Variants in DOCK8 observed in about 807,000 individuals in gnomAD.
DOCK8 encodes the protein dedicator of cytokinesis 8.
Under a neutral mutation model 245.6 loss-of-function variants are expected in DOCK8, and 141 were observed. The ratio of observed to expected loss-of-function variants is 0.57; its 90% confidence interval spans 0.50 to 0.66. The LOEUF (loss-of-function observed/expected upper bound fraction) is 0.66, where lower values mean the gene tolerates loss of function less well. Ranked by LOEUF, DOCK8 falls within the 30% of genes least tolerant of loss-of-function variation. The pLI is 0.00. For synonymous variants in DOCK8, 1,168 were observed against 970.2 expected (o/e 1.20, Z -3.79); for missense variants, 2,965 against 2,603.4 (o/e 1.14, Z -3.02).
At chr9:444,969 A>G (rs2057206443) in intron 43 of DOCK8, among the ~76,000 whole-genome samples, 1 of 152,248 alleles carries the variant, frequency 6.6e-6, no homozygotes, top group Non-Finnish European at 1.5e-5. Context: ...TGAAAGGTCC[A>G]AACTCCCAGT....
At chr9:272,608 A>G (rs2129957017) in intron 2 of DOCK8, among the ~76,000 whole-genome samples, 1 of 152,130 alleles carries the variant, frequency 6.6e-6, no homozygotes, top group Non-Finnish European at 1.5e-5. Context: ...GCTGGTCTTG[A>G]ACTCCTGGGC....
intron 4 of DOCK8, among the ~76,000 whole-genome samples, chr9:292,313 G>T (rs1033092885): frequency 6.8e-6 from 1 of 147,340 alleles, no homozygotes; most frequent in Non-Finnish European, 1.5e-5. Flanking sequence ...AGCTAAACTG[G>T]GAGGCAGAGG....
intron 34 of DOCK8, among the ~76,000 whole-genome samples, chr9:427,229 C>T (rs1213989839): frequency 6.6e-6 from 1 of 152,248 alleles, no homozygotes; most frequent in South Asian, 2.1e-4. Flanking sequence ...CCAGCTGACC[C>T]TCTTGGTTAA....
chr9:407,708 C>G lies in DOCK8; in HGVS notation c.3530+639C>G, dbSNP rs1296590457. 2.0e-5 allele frequency among the ~76,000 whole-genome samples: 3 copies of G among 152,190 alleles called. No individual in the cohort carries two copies. The South Asian group carries it at 6.2e-4, about 31-fold the overall frequency. On this transcript the variant is annotated intron_variant, in intron 28 of 47. Transcript: ENST00000432829. ...ATGGAGTCAGAAACCCACAGCCTAT[C>G]TGATTGGACTGAAAAAGATAATGCC...
chr9:355,148 C>T (rs1028090906), intron 14 of DOCK8, among the ~76,000 whole-genome samples: 96 of 150,076 alleles, frequency 6.4e-4, no homozygotes, highest in African/African-American at 2.2e-3. Context: ...CAACGTGCCT[C>T]ATGAAAAGTG....
At chr9:400,063 TTCA>T (rs1399597542) in intron 26 of DOCK8, among the ~76,000 whole-genome samples, 2 of 49,426 alleles carry the variant, frequency 4.0e-5, no homozygotes, top group African/African-American at 3.6e-4. Context: ...CACCACCTCC[TTCA>T]CCATCACCAT....
In DOCK8 at chr9:214,935, C is replaced by G; in HGVS notation, c.-42C>G. 6.2e-7 allele frequency: 1 copy of G among 1,604,704 alleles called. No individual in the cohort carries two copies. The highest frequency in any genetic ancestry group is 8.5e-7 in the Non-Finnish European group (1 of 1,177,320). ...TGCGGCGCGCCAGGCCCCCGCTTTC[C>G]GCACCCCGCGACCCTAGAAGCCACC... On this transcript the variant is annotated 5_prime_UTR_variant, in exon 1 of 48. Transcript: ENST00000432829.
intron 4 of DOCK8, among the ~76,000 whole-genome samples, chr9:296,215 C>A (rs186607581): frequency 2.0e-5 from 3 of 152,276 alleles, no homozygotes; most frequent in Non-Finnish European, 2.9e-5. Flanking sequence ...AACCTTTTAT[C>A]TGCATATTTT....
chr9:432,401 T>A, intron 37 of DOCK8, 77 bp downstream of exon 37: 1 of 1,283,574 alleles, frequency 7.8e-7, no homozygotes, highest in Admixed American at 1.9e-5. Context: ...TATGTACATA[T>A]ATACACAATT....
intron 28 of DOCK8, 113 bp from the exon 29 acceptor site, chr9:414,669 T>A (rs1564034156): frequency 1.5e-6 from 2 of 1,355,224 alleles, no homozygotes. Flanking sequence ...TATTGCTTGG[T>A]TTTCACAGTC....
At chr9:228,294 A>G (rs1222420804) in intron 1 of DOCK8, among the ~76,000 whole-genome samples, 3 of 152,200 alleles carry the variant, frequency 2.0e-5, no homozygotes, top group Non-Finnish European at 4.4e-5. Context: ...GTTATTCAAG[A>G]GACCCTGTGC....
intron 5 of DOCK8, among the ~76,000 whole-genome samples, chr9:306,780 G>C (rs1296734371): frequency 6.6e-6 from 1 of 152,148 alleles, no homozygotes; most frequent in East Asian, 1.9e-4. Context: ...CTGGTCCCAG[G>C]ACCACAATTT....
intron 4 of DOCK8, among the ~76,000 whole-genome samples, chr9:291,196 G>C (rs2049023343): frequency 6.6e-6 from 1 of 152,188 alleles, no homozygotes; most frequent in South Asian, 2.1e-4. Flanking sequence ...TTGGTTTTCA[G>C]ATTTATTTTC....
intron 1 of DOCK8, among the ~76,000 whole-genome samples, chr9:231,388 C>G (rs2047113277): frequency 6.6e-6 from 1 of 152,070 alleles, no homozygotes; most frequent in Non-Finnish European, 1.5e-5. Flanking sequence ...GATGCAGGCT[C>G]TTTTTTGGTT....
chr9:252,542 C>A (rs1349530664), intron 1 of DOCK8, among the ~76,000 whole-genome samples: 1 of 151,862 alleles, frequency 6.6e-6, no homozygotes, highest in East Asian at 1.9e-4. Context: ...GTGGCTCACC[C>A]CTGTAATCCC....
intron 1 of DOCK8, among the ~76,000 whole-genome samples, chr9:264,650 G>C (rs1478095362): frequency 6.6e-6 from 1 of 152,196 alleles, no homozygotes; most frequent in Non-Finnish European, 1.5e-5. Flanking sequence ...TATGGATAGA[G>C]ATCTATAGAT....
chr9:379,626 G>C, intron 20 of DOCK8, 145 bp from the exon 21 acceptor site: 1 of 833,164 alleles, frequency 1.2e-6, no homozygotes, highest in Non-Finnish European at 2.0e-6. Context: ...CAGCATGCCA[G>C]AGCTCACCAA....
At chr9:454,759 A>G (rs914186341) in intron 46 of DOCK8, among the ~76,000 whole-genome samples, 1 of 152,244 alleles carries the variant, frequency 6.6e-6, no homozygotes, top group East Asian at 1.9e-4. Flanking sequence ...CTTGCAATCC[A>G]GTATCTCACG....
At chr9:375,000 C>T (rs186974902) in intron 18 of DOCK8, among the ~76,000 whole-genome samples, 1 of 152,258 alleles carries the variant, frequency 6.6e-6, no homozygotes, top group East Asian at 1.9e-4. Flanking sequence ...AGATTGGTGA[C>T]ATGCTGGGAT....
Sources: allele counts gnomAD v4.1 joint callset (sites outside exome capture counted in the v4.1 genomes callset), GRCh38; gene constraint gnomAD v4.1.1; transcripts MANE v1.5; gene names NCBI Gene and HGNC (gene_info 2026-07-23, HGNC 2026-07-21).